SENP7: variants seen among roughly 807,000 people sequenced by gnomAD.
SENP7 encodes the protein SUMO specific peptidase 7.
In SENP7, 64 loss-of-function variants were observed where a neutral mutation model predicts 141.2. The ratio of observed to expected loss-of-function variants is 0.45; its 90% CI spans 0.37 to 0.56. The LOEUF (loss-of-function observed/expected upper bound fraction) is 0.56. Ranked by LOEUF, SENP7 falls within the 20% of genes least tolerant of loss-of-function variation. The pLI is 0.00. For missense variants in SENP7, 1,025 were observed against 1,212.2 expected (o/e 0.85, Z 2.29); for synonymous variants, 382 against 426.4 (o/e 0.90, Z 1.28).
intron 12 of SENP7, among the ~76,000 whole-genome samples, chr3:101,350,429 G>A (rs2059584284): frequency 6.6e-6 from 1 of 152,020 alleles, no homozygotes; most frequent in Admixed American, 6.6e-5. Flanking sequence ...TTATATGCAT[G>A]CTTTGTTTTA....
intron 5 of SENP7, among the ~76,000 whole-genome samples, chr3:101,400,476 C>T (rs975995979): frequency 4.0e-5 from 6 of 150,674 alleles, no homozygotes; most frequent in African/African-American, 9.8e-5. Context: ...TGTCACATTT[C>T]GGTAACTCTC....
At chr3:101,387,113 G>A (rs1488528758) in intron 6 of SENP7, among the ~76,000 whole-genome samples, 1 of 151,996 alleles carries the variant, frequency 6.6e-6, no homozygotes, top group Non-Finnish European at 1.5e-5. Flanking sequence ...CATGGTTCAG[G>A]GACCTGGGAA....
chr3:101,371,955 T>G (rs1370323698), intron 7 of SENP7, 53 bp downstream of exon 7: 3 of 670,938 alleles, frequency 4.5e-6, no homozygotes, highest in Non-Finnish European at 7.0e-6. Flanking sequence ...AAAATTATTA[T>G]TAATACAATA....
At chr3:101,506,019 A>ATTTTTTTTTTTTTTTTTT (rs143265103) in intron 1 of SENP7, among the ~76,000 whole-genome samples, 1 of 142,126 alleles carries the variant, frequency 7.0e-6, no homozygotes, top group African/African-American at 2.6e-5. Context: ...TTTATTCCAT[A>ATTTTTTTTTTTTTTTTTT]ATTTTTTTTT....
At chr3:101,503,323 T>C (rs1396971086) in intron 1 of SENP7, among the ~76,000 whole-genome samples, 1 of 152,240 alleles carries the variant, frequency 6.6e-6, no homozygotes, top group African/African-American at 2.4e-5. Context: ...TACATCTGCT[T>C]CACCAGCATC....
chr3:101,347,646 C>T lies in SENP7; in HGVS notation c.1837+226G>A, dbSNP rs540249260. 7.3e-5 allele frequency: 17 copies of T among 231,638 alleles called. No individual in the cohort carries two copies. The South Asian group carries it at 1.5e-3, about 21-fold the overall frequency. 14.3% of individuals were successfully genotyped at this position (231,638 alleles called of 1,614,324 possible). On this transcript the variant is annotated intron_variant, in intron 13 of 23. Coordinates refer to ENST00000394095, the MANE Select transcript of SENP7 (RefSeq NM_020654.5). The stretch of plus-strand genomic sequence containing the variant: ...CTGAGGCAGGAGAATGGCGTGAACC[C>T]GGGAGGCAGAGCTTGCGGTGAGCAG...
intron 9 of SENP7, among the ~76,000 whole-genome samples, chr3:101,365,265 A>T (rs1310374586): frequency 1.3e-5 from 2 of 151,976 alleles, no homozygotes; most frequent in African/African-American, 4.8e-5. Context: ...GGCCTCCCAA[A>T]GTGCTGGGAT....
chr3:101,379,733 A>G (rs2060441453), intron 6 of SENP7, among the ~76,000 whole-genome samples: 2 of 152,214 alleles, frequency 1.3e-5, no homozygotes, highest in Admixed American at 6.5e-5. Flanking sequence ...GTGGCAATGT[A>G]ACATGGTGCA....
chr3:101,412,647 T>C (rs2061488048), intron 5 of SENP7, among the ~76,000 whole-genome samples: 2 of 152,226 alleles, frequency 1.3e-5, no homozygotes, highest in South Asian at 2.1e-4. Flanking sequence ...GGAATATGGG[T>C]ACACTATCTC....
chr3:101,452,182 G>A (rs2063165006), intron 4 of SENP7, among the ~76,000 whole-genome samples: 1 of 152,070 alleles, frequency 6.6e-6, no homozygotes, highest in Non-Finnish European at 1.5e-5. Context: ...TCTTCAAGGA[G>A]AACTACAAAC....
At chr3:101,505,881 T>C (rs973546896) in intron 1 of SENP7, among the ~76,000 whole-genome samples, 1 of 152,188 alleles carries the variant, frequency 6.6e-6, no homozygotes, top group Non-Finnish European at 1.5e-5. Context: ...CATTTTATAG[T>C]CAAGTATCTC....
intron 4 of SENP7, among the ~76,000 whole-genome samples, chr3:101,449,593 C>T (rs1468507209): frequency 1.3e-5 from 2 of 150,082 alleles, no homozygotes; most frequent in Admixed American, 6.6e-5. Context: ...GAATTTACAA[C>T]CCAGAATTTC....
intron 4 of SENP7, among the ~76,000 whole-genome samples, chr3:101,450,290 A>T (rs969401559): frequency 2.0e-5 from 3 of 152,190 alleles, no homozygotes; most frequent in African/African-American, 7.2e-5. Flanking sequence ...CACTGTCAAC[A>T]TTAGACAGAT....
chr3:101,441,409 A>G (rs1442700235), intron 4 of SENP7, among the ~76,000 whole-genome samples: 1 of 152,000 alleles, frequency 6.6e-6, no homozygotes, highest in African/African-American at 2.4e-5. Context: ...GAACAGGCCC[A>G]CCCAATCTGC....
chr3:101,506,998 C>T (rs1243198454), intron 1 of SENP7, among the ~76,000 whole-genome samples: 2 of 149,798 alleles, frequency 1.3e-5, no homozygotes, highest in Non-Finnish European at 2.9e-5. Context: ...GAGTTCAAGG[C>T]TGCATTGAGC....
At chr3:101,327,441 C>G (rs1576789337) in intron 23 of SENP7, among the ~76,000 whole-genome samples, 1 of 152,040 alleles carries the variant, frequency 6.6e-6, no homozygotes, top group Admixed American at 6.6e-5. Flanking sequence ...TTGCTGCTAT[C>G]ATGTAAAAAA....
At chr3:101,386,175 A>G (rs1046899789) in intron 6 of SENP7, among the ~76,000 whole-genome samples, 11 of 152,206 alleles carry the variant, frequency 7.2e-5, no homozygotes, top group Non-Finnish European at 1.0e-4. Flanking sequence ...TAACACTGTA[A>G]TTCAGCAGAG....
chr3:101,419,738 A>G (rs1456131478), intron 4 of SENP7, among the ~76,000 whole-genome samples: 2 of 152,204 alleles, frequency 1.3e-5, no homozygotes, highest in African/African-American at 4.8e-5. Context: ...AAAGACACAG[A>G]AGGCAGGATA....
intron 4 of SENP7, among the ~76,000 whole-genome samples, chr3:101,433,014 CT>C (rs1312257525): frequency 6.6e-6 from 1 of 152,136 alleles, no homozygotes; most frequent in Non-Finnish European, 1.5e-5. Context: ...CGTAGAAAGA[CT>C]ACAGGATAAA....
Sources: allele counts gnomAD v4.1 joint callset (sites outside exome capture counted in the v4.1 genomes callset), GRCh38; gene constraint gnomAD v4.1.1; transcripts MANE v1.5; gene names NCBI Gene and HGNC (gene_info 2026-07-23, HGNC 2026-07-21).